Variants in KCNQ1 observed in about 807,000 individuals in gnomAD.
KCNQ1 encodes the protein potassium voltage-gated channel subfamily Q member 1, also known as potassium voltage-gated channel subfamily KQT member 1.
KCNQ1 carries 49 observed loss-of-function variants against 72.4 expected under a neutral mutation model. The observed-to-expected ratio is 0.68, with a 90% CI of 0.54 to 0.86. The LOEUF (loss-of-function observed/expected upper bound fraction) is 0.86, where lower values mean the gene tolerates loss of function less well. KCNQ1 is among the 40% of genes least tolerant of loss of function. KCNQ1 has a pLI of 0.00. For synonymous variants in KCNQ1, 450 were observed against 412.6 expected (o/e 1.09, Z -1.10); for missense variants, 790 against 945.1 (o/e 0.84, Z 2.15).
chr11:2,452,077 C>T (rs200108889), intron 1 of KCNQ1, among the ~76,000 whole-genome samples: 2 of 152,190 alleles, frequency 1.3e-5, no homozygotes, highest in East Asian at 1.9e-4. Flanking sequence ...GGGTGAGCTA[C>T]GGCTGCCCTC....
chr11:2,586,344 T>C (rs1848592235), intron 8 of KCNQ1, among the ~76,000 whole-genome samples: 1 of 152,230 alleles, frequency 6.6e-6, no homozygotes, highest in Non-Finnish European at 1.5e-5. Context: ...GGGGGCTGTG[T>C]GCTCCCACCC....
At chr11:2,688,453 C>A (rs1018784699) in intron 11 of KCNQ1, 2 of 398,754 alleles carry the variant, frequency 5.0e-6, no homozygotes, top group East Asian at 7.1e-5. Context: ...ATCACTATTT[C>A]ACAGGAGAAC....
At chr11:2,837,924 T>G (rs187023561) in intron 15 of KCNQ1, among the ~76,000 whole-genome samples, 1 of 152,086 alleles carries the variant, frequency 6.6e-6, no homozygotes, top group South Asian at 2.1e-4. Context: ...GCCCAGCAAG[T>G]GGACATTGTG....
rs1354172670 is a variant in KCNQ1 at position 2,783,410 on chromosome 11, G to C, written c.1794+5373G>C. On this transcript the variant is annotated intron_variant, in intron 15 of 15. Transcript: ENST00000155840. The surrounding 1 kb of genome is among the most constrained non-coding windows in gnomAD (Gnocchi z 5.2). Reference sequence around the variant, plus strand: ...ATGTGCCTTCTGTACTTGAAAACAAGGTATATTCTGACATTGTTGGGTGCA... The same window carrying C: ...ATGTGCCTTCTGTACTTGAAAACAACGTATATTCTGACATTGTTGGGTGCA... 6.6e-6 allele frequency among the ~76,000 whole-genome samples: 1 copy of C among 152,036 alleles called. No individual in the cohort carries two copies. The highest frequency in any genetic ancestry group is 1.5e-5 in the Non-Finnish European group (1 of 67,928).
rs1000903641 is a variant in KCNQ1, at chr11:2,497,102, G to C, written c.387-30826G>C. Reference sequence around the variant, plus strand: ...TCTCTCTGGCTGCCCTTAACGTTTTGTCCTTCATTTAAACCTTGGAGAATC... The same window carrying C: ...TCTCTCTGGCTGCCCTTAACGTTTTCTCCTTCATTTAAACCTTGGAGAATC... On this transcript the variant is annotated intron_variant, in intron 1 of 15. Transcript: ENST00000155840. The surrounding 1 kb of genome is among the most constrained non-coding windows in gnomAD (Gnocchi z 4.5). Among the ~76,000 whole-genome samples, 2 of 152,036 alleles carry C rather than the reference G, an allele frequency of 1.3e-5. No individual in the cohort carries two copies.
rs976503220 is a variant in KCNQ1 at position 2,724,855 on chromosome 11, G to A, written c.1515-43989G>A. Among the ~76,000 whole-genome samples, 3 of 152,204 alleles carry A rather than the reference G, an allele frequency of 2.0e-5. No homozygotes were observed. Among genetic ancestry groups the A allele is most frequent in the African/African-American group, 7.2e-5 (3 of 41,448 alleles). On this transcript the variant is annotated intron_variant, in intron 11 of 15. Coordinates refer to ENST00000155840, the MANE Select transcript of KCNQ1 (RefSeq NM_000218.3). The surrounding 1 kb of genome is among the most constrained non-coding windows in gnomAD (Gnocchi z 6.8). The stretch of plus-strand genomic sequence containing the variant: ...GGAACAAGGCACTGGAAGGTACCAG[G>A]CCTCAGCGTTCTCAACTGTGAAATG...
chr11:2,520,046 C>T (rs1208770270), intron 1 of KCNQ1, among the ~76,000 whole-genome samples: 2 of 152,266 alleles, frequency 1.3e-5, no homozygotes, highest in Non-Finnish European at 2.9e-5. Flanking sequence ...CCCTGTCGCC[C>T]CCACCCCCCA....
rs1409672925 is a variant in KCNQ1 at position 2,657,644 on chromosome 11, T to A, written c.1394-4317T>A. On this transcript the variant is annotated intron_variant, in intron 10 of 15. Transcript: ENST00000155840. This position sits in a 1 kb window ranked among gnomAD's most constrained non-coding sequence, Gnocchi z 4.8. ...CACTATTAAGCTAGAGTTATAAATT[T>A]ATTTGGATTTCCCCAGTTTAACTAC... 1.8e-5 allele frequency: 7 copies of A among 398,490 alleles called. No homozygotes were observed. The East Asian group carries it at 2.5e-4, about 14-fold the overall frequency. 24.7% of individuals were successfully genotyped at this position (398,490 alleles called of 1,614,324 possible).
intron 2 of KCNQ1, among the ~76,000 whole-genome samples, chr11:2,568,322 A>G (rs1480486352): frequency 2.0e-5 from 3 of 152,126 alleles, no homozygotes; most frequent in East Asian, 3.9e-4. Flanking sequence ...CAAAACAAGA[A>G]AAACCCTGCT....
At chr11:2,705,125 GCAGCCT>G (rs1850884780) in intron 11 of KCNQ1, among the ~76,000 whole-genome samples, 1 of 152,214 alleles carries the variant, frequency 6.6e-6, no homozygotes, top group Non-Finnish European at 1.5e-5. Context: ...CCATGCAAGA[GCAGCCT>G]CAGCATGGGC....
At chr11:2,552,778 T>C (rs532732967) in intron 2 of KCNQ1, among the ~76,000 whole-genome samples, 2 of 152,108 alleles carry the variant, frequency 1.3e-5, no homozygotes, top group Non-Finnish European at 2.9e-5. Flanking sequence ...CAGTGCCTCA[T>C]GCACGTCTTA....
rs563644144 is a variant in KCNQ1, at chr11:2,588,487, C to T, written c.1252-226C>T. Among the ~76,000 whole-genome samples, 3 of 152,290 alleles carry T rather than the reference C, an allele frequency of 2.0e-5. No individual in the cohort carries two copies. The highest frequency in any genetic ancestry group is 2.4e-5 in the African/African-American group (1 of 41,560). On this transcript the variant is annotated intron_variant, in intron 9 of 15. Transcript: ENST00000155840. This position sits in a 1 kb window ranked among gnomAD's most constrained non-coding sequence, Gnocchi z 5.6. ...CTTCCTGCTGTCCTGTTAGCGAGGC[C>T]GTGAGCTCACAGGGCAGCACCTGGG...
At chr11:2,503,120 T>TG (rs1847043998) in intron 1 of KCNQ1, among the ~76,000 whole-genome samples, 1 of 151,966 alleles carries the variant, frequency 6.6e-6, no homozygotes, top group Non-Finnish European at 1.5e-5. Flanking sequence ...GACATTGGAG[T>TG]GGGCAAAGAC....
In KCNQ1 at chr11:2,608,313, T is replaced by C; in HGVS notation, c.1393+19459T>C. On this transcript the variant is annotated intron_variant, in intron 10 of 15. Coordinates refer to ENST00000155840, the MANE Select transcript of KCNQ1 (RefSeq NM_000218.3). This position sits in a 1 kb window ranked among gnomAD's most constrained non-coding sequence, Gnocchi z 4.6. ...TAACTTATTACAGATCCATTCACAT[T>C]TTCTACTTATTTCTTAGTCAGTTTT... is the stretch of plus-strand genomic sequence containing the variant. 2.5e-6 allele frequency: 1 copy of C among 398,416 alleles called. No homozygotes were observed. Among genetic ancestry groups the C allele is most frequent in the East Asian group, 3.6e-5 (1 of 28,044 alleles). The allele number at this position is 398,416 out of a possible 1,614,324, so 24.7% of individuals were successfully genotyped here. A position where few individuals can be genotyped will look rare whatever the true frequency, so the allele number is the denominator to read the frequency against.
rs566490233 is a variant in KCNQ1, at chr11:2,547,470, G to A, written c.477+19452G>A. Among the ~76,000 whole-genome samples the A allele has an allele frequency of 6.6e-6, 1 of 152,264 alleles. No homozygotes were observed. The highest frequency in any genetic ancestry group is 1.9e-4 in the East Asian group (1 of 5,174). On this transcript the variant is annotated intron_variant, in intron 2 of 15. Transcript: ENST00000155840. This position sits in a 1 kb window ranked among gnomAD's most constrained non-coding sequence, Gnocchi z 4.2. ...GCTGGTCTTGAACTCCTGACCTCAA[G>A]TCATCTGCCCGCCTCAGCCTCCCAA...
rs1415678275 is a variant in KCNQ1, at chr11:2,608,062, A to T, written c.1393+19208A>T. On this transcript the variant is annotated intron_variant, in intron 10 of 15. Coordinates refer to ENST00000155840, the MANE Select transcript of KCNQ1 (RefSeq NM_000218.3). The surrounding 1 kb of genome is among the most constrained non-coding windows in gnomAD (Gnocchi z 4.6). ...ACAGAACTATATACCTAAAATGGGT[A>T]AAATAAATTTTATAAGTTCTCTTTT... Among the ~76,000 whole-genome samples, 1 of 152,232 alleles carries T rather than the reference A, an allele frequency of 6.6e-6. No homozygotes were observed. The highest frequency in any genetic ancestry group is 1.5e-5 in the Non-Finnish European group (1 of 68,036).
At position 2,468,096 on chromosome 11, in the gene KCNQ1, G is replaced by C. The variant is rs568709204; in HGVS notation, c.386+22612G>C. 6.6e-6 allele frequency among the ~76,000 whole-genome samples: 1 copy of C among 152,386 alleles called. No homozygotes were observed. The highest frequency in any genetic ancestry group is 6.5e-5 in the Admixed American group (1 of 15,310). ...TTAGACTGTGCCCGGAAAATGCACT[G>C]TCTCTCCTGGGCTCCCAACCTTTCA... On this transcript the variant is annotated intron_variant, in intron 1 of 15. Transcript: ENST00000155840. The surrounding 1 kb of genome is among the most constrained non-coding windows in gnomAD (Gnocchi z 5.7).
Position 2,592,940 on chromosome 11 carries a change from T to C in KCNQ1, c.1393+4086T>C, listed in dbSNP as rs1848689436. On this transcript the variant is annotated intron_variant, in intron 10 of 15. Coordinates refer to ENST00000155840, the MANE Select transcript of KCNQ1 (RefSeq NM_000218.3). This position sits in a 1 kb window ranked among gnomAD's most constrained non-coding sequence, Gnocchi z 5.2. The stretch of plus-strand genomic sequence containing the variant: ...TCAGAGCCACTGTATTCACTCTGCC[T>C]GGAACTGTCTTTCCTGGATCCCAGG... Among the ~76,000 whole-genome samples, 1 of 152,182 alleles carries C rather than the reference T, an allele frequency of 6.6e-6. No homozygotes were observed. Among genetic ancestry groups the C allele is most frequent in the Admixed American group, 6.5e-5 (1 of 15,284 alleles).
At chr11:2,776,180 C>A (rs139306985) in intron 13 of KCNQ1, 126 bp downstream of exon 13, 2 of 809,626 alleles carry the variant, frequency 2.5e-6, no homozygotes, top group Admixed American at 2.2e-5. Context: ...TCAACCACCC[C>A]CTTCTCCTCA....
Sources: allele counts gnomAD v4.1 joint callset (sites outside exome capture counted in the v4.1 genomes callset), GRCh38; gene constraint gnomAD v4.1.1; non-coding constraint Gnocchi (gnomAD v3.1); transcripts MANE v1.5; gene names NCBI Gene and HGNC (gene_info 2026-07-23, HGNC 2026-07-21).